Variants in SMPD3 observed in about 807,000 individuals in gnomAD.
SMPD3 encodes sphingomyelin phosphodiesterase 3.
Under a neutral mutation model 55.7 loss-of-function variants are expected in SMPD3, and 21 were observed. The observed-to-expected ratio is 0.38, with a 90% confidence interval of 0.27 to 0.54. SMPD3 has a LOEUF of 0.54. Ranked by LOEUF, SMPD3 falls within the 20% of genes least tolerant of loss-of-function variation. The pLI is 0.80. For synonymous variants in SMPD3, 457 were observed against 404.3 expected (o/e 1.13, Z -1.56); for missense variants, 842 against 899.6 (o/e 0.94, Z 0.82).
intron 1 of SMPD3, among the ~76,000 whole-genome samples, chr16:68,421,032 T>G (rs1482215013): frequency 6.6e-6 from 1 of 152,116 alleles, no homozygotes; most frequent in Non-Finnish European, 1.5e-5. Context: ...TTCAGAACAA[T>G]AACCAGCACC....
intron 6 of SMPD3, 64 bp downstream of exon 6, chr16:68,363,713 G>A: frequency 6.7e-7 from 1 of 1,496,320 alleles, no homozygotes; most frequent in Non-Finnish European, 9.1e-7. Flanking sequence ...GTAGGTCCTG[G>A]TGATCTTTGA....
chr16:68,441,885 C>A (rs938292989), intron 1 of SMPD3, among the ~76,000 whole-genome samples: 1 of 152,306 alleles, frequency 6.6e-6, no homozygotes, highest in Non-Finnish European at 1.5e-5. Context: ...CCCATCTCAG[C>A]CTCCCAAGTA....
chr16:68,362,545 G>C (rs912417158), intron 7 of SMPD3, among the ~76,000 whole-genome samples: 14 of 152,218 alleles, frequency 9.2e-5, no homozygotes, highest in African/African-American at 2.7e-4. Flanking sequence ...CATTGCAGAG[G>C]GCAGGCTGGG....
At position 68,372,378 on chromosome 16, in the gene SMPD3, ACTGCAGACC is replaced by A; in HGVS notation, c.-206_-198del. ...ACCTCGGTGGGCCATGCGGAGGCCTACTGCAGACCCTGCAGAGACAAAAGTAGGGGGACT... is the reference window on the plus strand; with the variant it reads ...ACCTCGGTGGGCCATGCGGAGGCCTACTGCAGAGACAAAAGTAGGGGGACT... On this transcript the variant is annotated splice_region_variant and 5_prime_UTR_variant, in exon 3 of 9. Coordinates refer to ENST00000219334, the MANE Select transcript of SMPD3 (RefSeq NM_018667.4). 4.5e-6 allele frequency: 3 copies of A among 672,442 alleles called. No homozygotes were observed. The South Asian group carries it at 5.7e-5, about 13-fold the overall frequency. 41.7% of individuals were successfully genotyped at this position (672,442 alleles called of 1,614,324 possible).
intron 1 of SMPD3, among the ~76,000 whole-genome samples, chr16:68,419,218 C>T (rs545637069): frequency 5.3e-5 from 8 of 152,160 alleles, no homozygotes; most frequent in Non-Finnish European, 1.5e-5. Flanking sequence ...GGAAGCTGCC[C>T]AGAGCAGCTA....
rs373349989 is a variant in SMPD3, at chr16:68,361,224, C to G, written c.1950G>C (p.Ser650=). ...LPVAMRLMVS[S]GEEEA ...GGACGGTCTATGCCTCCTCCTCCCC[C>G]GAAGACACCATCAGTCGCATGGCTA... Residue 650 remains serine (S), a synonymous_variant, in exon 9 of 9, where the codon TCG becomes TCC. Coordinates refer to ENST00000219334, the MANE Select transcript of SMPD3 (RefSeq NM_018667.4). 6.2e-7 allele frequency: 1 copy of G among 1,613,818 alleles called. No individual in the cohort carries two copies. Among genetic ancestry groups the G allele is most frequent in the Non-Finnish European group, 8.5e-7 (1 of 1,179,946 alleles).
chr16:68,371,340 T>A lies in SMPD3; in HGVS notation c.842A>T (p.Asn281Ile). The stretch of plus-strand genomic sequence containing the variant: ...TGAATCCCCGTCCTGCTGATTATGG[T>A]TGGGCGTCTGGCCCCTTGGGCCCCC... ...AGGGPRGQTP[N>I]HNQQDGDSGS... is the part of the protein sequence containing the mutation. The change falls in exon 3 of 9, where the codon AAC becomes ATC. Residue 281 changes from asparagine to isoleucine, a missense_variant. Around this residue, in one of 2 missense-constraint regions of SMPD3, gnomAD observed 649 missense variants for 643.6 expected, o/e 1.01. Coordinates refer to ENST00000219334, the MANE Select transcript of SMPD3 (RefSeq NM_018667.4). The A allele has an allele frequency of 6.3e-7, 1 of 1,588,998 alleles. No homozygotes were observed. Among genetic ancestry groups the A allele is most frequent in the Non-Finnish European group, 8.5e-7 (1 of 1,175,008 alleles).
chr16:68,433,370 C>T (rs2090495784), intron 1 of SMPD3, among the ~76,000 whole-genome samples: 1 of 152,252 alleles, frequency 6.6e-6, no homozygotes, highest in Non-Finnish European at 1.5e-5. Context: ...CATCTACCTG[C>T]ATCTGTCATT....
chr16:68,416,457 C>A (rs1220413542), intron 1 of SMPD3, among the ~76,000 whole-genome samples: 1 of 152,196 alleles, frequency 6.6e-6, no homozygotes, highest in East Asian at 1.9e-4. Context: ...ATCCCTCCTA[C>A]CCTCCTGTCC....
At position 68,413,409 on chromosome 16, in the gene SMPD3, G is replaced by A. The variant is rs112896182; in HGVS notation, c.-268-26750C>T. 1.7e-3 allele frequency among the ~76,000 whole-genome samples: 255 copies of A among 152,318 alleles called. 1 individual carries two copies. The highest frequency in any genetic ancestry group is 5.6e-3 in the African/African-American group (232 of 41,572). ...ACAGGAGGTCTCCATCATGAGGAAG[G>A]GACTGGCTCACCTGGAAGATAGTTT... On this transcript the variant is annotated intron_variant, in intron 1 of 8. Transcript: ENST00000219334.
intron 1 of SMPD3, among the ~76,000 whole-genome samples, chr16:68,423,387 T>A (rs1242205603): frequency 6.6e-6 from 1 of 152,090 alleles, no homozygotes; most frequent in South Asian, 2.1e-4. Flanking sequence ...TGGGTGGTAA[T>A]TAGGATTAGT....
In SMPD3 at chr16:68,402,711, ACAAGGTTCTACGGAAT is replaced by A. The variant is rs543015076; in HGVS notation, c.-268-16068_-268-16053del. On this transcript the variant is annotated intron_variant, in intron 1 of 8. Coordinates refer to ENST00000219334, the MANE Select transcript of SMPD3 (RefSeq NM_018667.4). ...GAGAGGCGGTAGCCACAAAGAGGCAACAAGGTTCTACGGAATCAAGGTTCTACAGAATCAAGGTTCA... is the reference window on the plus strand; with the variant it reads ...GAGAGGCGGTAGCCACAAAGAGGCAACAAGGTTCTACAGAATCAAGGTTCA... Among the ~76,000 whole-genome samples, 22 of 152,338 alleles carry A rather than the reference ACAAGGTTCTACGGAAT, an allele frequency of 1.4e-4. No individual in the cohort carries two copies. The East Asian group carries it at 3.3e-3, about 23-fold the overall frequency.
At chr16:68,379,632 G>T (rs901029925) in intron 2 of SMPD3, among the ~76,000 whole-genome samples, 1 of 152,224 alleles carries the variant, frequency 6.6e-6, no homozygotes, top group African/African-American at 2.4e-5. Flanking sequence ...CCGTCTCCTC[G>T]CAGGAGGTTA....
At chr16:68,387,366 C>T (rs1378242010) in intron 1 of SMPD3, among the ~76,000 whole-genome samples, 1 of 152,118 alleles carries the variant, frequency 6.6e-6, no homozygotes, top group Admixed American at 6.5e-5. Context: ...GACACGATGT[C>T]ACTGGCTCCC....
chr16:68,373,534 C>T (rs1431929125), intron 2 of SMPD3, among the ~76,000 whole-genome samples: 1 of 152,156 alleles, frequency 6.6e-6, no homozygotes, highest in East Asian at 1.9e-4. Context: ...TCTGAGCCCA[C>T]GGTGCCATCC....
At chr16:68,378,183 C>T (rs1326386898) in intron 2 of SMPD3, among the ~76,000 whole-genome samples, 1 of 152,230 alleles carries the variant, frequency 6.6e-6, no homozygotes, top group East Asian at 1.9e-4. Flanking sequence ...GGAAAAGCCA[C>T]GTGGATTGCT....
Position 68,372,091 on chromosome 16 carries a change from C to T in SMPD3, c.91G>A (p.Val31Met), listed in dbSNP as rs1383143531. ...ATGAAGGAGGCAGCGAGCCGGTCCA[C>T]CAGCCAGTAGCATGGAAAGATAAGG... Reference protein sequence around the residue: ...WALIFPCYWLVDRLAASFIPT... With the variant: ...WALIFPCYWLMDRLAASFIPT... Residue 31 changes from valine (V) to methionine (M), a missense_variant, in exon 3 of 9, where the codon GTG (valine) becomes ATG (methionine). By Grantham distance (21) the Val-to-Met change is conservative. Transcript: ENST00000219334. The T allele has an allele frequency of 1.2e-6, 2 of 1,612,244 alleles. No individual in the cohort carries two copies. Among genetic ancestry groups the T allele is most frequent in the Non-Finnish European group, 1.7e-6 (2 of 1,179,356 alleles).
chr16:68,371,115 T>C lies in SMPD3; in HGVS notation c.1067A>G (p.Asn356Ser), dbSNP rs763732388. The change falls in exon 3 of 9, where the codon AAC becomes AGC. Residue 356 changes from asparagine (N) to serine (S), a missense_variant. Physicochemically the swap from Asn to Ser is conservative, Grantham distance 46 (BLOSUM62 1). Around this residue, in one of 2 missense-constraint regions of SMPD3, gnomAD observed 649 missense variants for 643.6 expected, o/e 1.01. Transcript: ENST00000219334. ...CTCCTGCAGGCACAGGAAGTCCAGG[T>C]TGGCGGGGAAGAAGGCGGAGACCTC... ...DHEVSAFFPA[N>S]LDFLCLQEVF... is the part of the protein sequence containing the mutation. The C allele has an allele frequency of 6.2e-7, 1 of 1,614,086 alleles. No individual in the cohort carries two copies. The highest frequency in any genetic ancestry group is 8.5e-7 in the Non-Finnish European group (1 of 1,180,036).
chr16:68,394,725 A>G (rs1480584442), intron 1 of SMPD3, among the ~76,000 whole-genome samples: 1 of 152,246 alleles, frequency 6.6e-6, no homozygotes, highest in Non-Finnish European at 1.5e-5. Context: ...AAAAGATTTA[A>G]GATAACTTAA....
Sources: allele counts gnomAD v4.1 joint callset (sites outside exome capture counted in the v4.1 genomes callset), GRCh38; gene constraint gnomAD v4.1.1; regional missense constraint gnomAD v4.1.1; transcripts MANE v1.5; gene names NCBI Gene and HGNC (gene_info 2026-07-23, HGNC 2026-07-21).